The following SCAPER variants were observed in gnomAD, a reference collection of about 807,000 sequenced individuals.
The protein encoded by SCAPER is S-phase cyclin A associated protein in the ER, also known as S phase cyclin A-associated protein in the endoplasmic reticulum.
A neutral mutation model predicts 182.2 loss-of-function variants in SCAPER; 98 were observed. The ratio of observed to expected loss-of-function variants is 0.54; its 90% CI spans 0.46 to 0.64. The LOEUF is 0.64. SCAPER is among the 30% of genes least tolerant of loss of function. The pLI is 0.00. For missense variants in SCAPER, 1,432 were observed against 1,690.0 expected, an observed-to-expected ratio of 0.85 and a Z score of 2.68; for synonymous variants, 605 against 564.6, an observed-to-expected ratio of 1.07 and a Z score of -1.01.
At chr15:76,874,391 T>C (rs2073000030) in intron 2 of SCAPER, among the ~76,000 whole-genome samples, 2 of 151,776 alleles carry the variant, frequency 1.3e-5, no homozygotes, top group South Asian at 4.1e-4. Flanking sequence ...TTCAAGAAGT[T>C]AGTAAAAGAG....
intron 1 of SCAPER, among the ~76,000 whole-genome samples, chr15:76,890,396 A>G (rs1268796371): frequency 1.3e-5 from 2 of 152,196 alleles, no homozygotes; most frequent in Admixed American, 6.5e-5. Flanking sequence ...TTTTGAAAAG[A>G]TCAACAAAAT....
intron 5 of SCAPER, among the ~76,000 whole-genome samples, chr15:76,815,026 A>C (rs2066950292): frequency 7.3e-6 from 1 of 136,136 alleles, no homozygotes; most frequent in South Asian, 2.7e-4. Flanking sequence ...CAACATCAGT[A>C]ATCATCATGG....
At chr15:76,464,007 C>CTTTTTTTTTT (rs10630336) in intron 25 of SCAPER, among the ~76,000 whole-genome samples, 1 of 120,350 alleles carries the variant, frequency 8.3e-6, no homozygotes, top group African/African-American at 3.2e-5. Flanking sequence ...TTTCACTGGT[C>CTTTTTTTTTT]TTTTTTTTTT....
intron 26 of SCAPER, among the ~76,000 whole-genome samples, chr15:76,429,139 A>C (rs1051988571): frequency 6.6e-6 from 1 of 151,906 alleles, no homozygotes; most frequent in Non-Finnish European, 1.5e-5. Flanking sequence ...CCATCCACGT[A>C]AGTTGTGACT....
intron 20 of SCAPER, among the ~76,000 whole-genome samples, chr15:76,697,311 T>C (rs1326594766): frequency 6.6e-6 from 1 of 152,206 alleles, no homozygotes; most frequent in African/African-American, 2.4e-5. Flanking sequence ...GAAGAGGCTA[T>C]AACCAAGAAT....
At chr15:76,852,247 G>A (rs1005238866) in intron 4 of SCAPER, among the ~76,000 whole-genome samples, 12 of 152,164 alleles carry the variant, frequency 7.9e-5, no homozygotes, top group African/African-American at 2.9e-4. Flanking sequence ...AAGAGTGGAA[G>A]ACCTCAGTAC....
At chr15:76,463,606 G>T (rs2049356449) in intron 25 of SCAPER, among the ~76,000 whole-genome samples, 1 of 151,934 alleles carries the variant, frequency 6.6e-6, no homozygotes, top group African/African-American at 2.4e-5. Context: ...ATAAGGAACA[G>T]GTCACTATGA....
At chr15:76,633,467 C>T (rs1264683131) in intron 21 of SCAPER, among the ~76,000 whole-genome samples, 1 of 152,216 alleles carries the variant, frequency 6.6e-6, no homozygotes, top group African/African-American at 2.4e-5. Flanking sequence ...AGGTGTGCTA[C>T]ATTAGGGGGA....
At chr15:76,790,040 A>G (rs2064888762) in intron 8 of SCAPER, among the ~76,000 whole-genome samples, 1 of 152,036 alleles carries the variant, frequency 6.6e-6, no homozygotes, top group South Asian at 2.1e-4. Flanking sequence ...CATCCTGGCT[A>G]ACACGGTGAA....
At chr15:76,608,101 T>C (rs1488756711) in intron 22 of SCAPER, among the ~76,000 whole-genome samples, 1 of 152,220 alleles carries the variant, frequency 6.6e-6, no homozygotes, top group Non-Finnish European at 1.5e-5. Flanking sequence ...CTCTGATTTT[T>C]AGAGTTTCCA....
At chr15:76,424,873 A>C (rs986743462) in intron 26 of SCAPER, among the ~76,000 whole-genome samples, 5 of 152,120 alleles carry the variant, frequency 3.3e-5, no homozygotes, top group African/African-American at 7.2e-5. Flanking sequence ...TCCTTCACTT[A>C]TGAAGCTTAG....
rs542902471 is a variant in SCAPER, at chr15:76,764,739, T to C, written c.1725+222A>G. On this transcript the variant is annotated intron_variant, in intron 14 of 31. Coordinates refer to ENST00000563290, the MANE Select transcript of SCAPER (RefSeq NM_020843.4). The stretch of plus-strand genomic sequence containing the variant: ...GAAAACGGCAAAAGTAGAGCTTTAA[T>C]AATCCACGCAAACCCTGCAAAATAT... Among the ~76,000 whole-genome samples the C allele has an allele frequency of 3.9e-5, 6 of 152,368 alleles. No individual in the cohort carries two copies. The South Asian group carries it at 1.2e-3, about 32-fold the overall frequency.
intron 26 of SCAPER, among the ~76,000 whole-genome samples, chr15:76,425,909 C>T (rs565600031): frequency 4.6e-5 from 7 of 152,320 alleles, no homozygotes; most frequent in South Asian, 2.1e-4. Flanking sequence ...GTATCAGCAG[C>T]GGAGGCTGCA....
intron 5 of SCAPER, 69 bp from the exon 6 acceptor site, chr15:76,804,702 G>GTT (rs2066026354): frequency 2.1e-6 from 2 of 956,062 alleles, no homozygotes; most frequent in South Asian, 3.3e-5. Flanking sequence ...AAAAAAAAGA[G>GTT]TGAACAACTT....
intron 23 of SCAPER, among the ~76,000 whole-genome samples, chr15:76,529,597 G>A (rs894706107): frequency 2.6e-5 from 4 of 152,330 alleles, no homozygotes; most frequent in Admixed American, 2.6e-4. Flanking sequence ...AAGGCCTTCT[G>A]AGAAGTTGAC....
chr15:76,364,758 C>T (rs964389181), intron 29 of SCAPER, among the ~76,000 whole-genome samples: 4 of 151,984 alleles, frequency 2.6e-5, no homozygotes, highest in Admixed American at 6.6e-5. Context: ...TCTCCATATC[C>T]GGGACTTTGG....
intron 23 of SCAPER, among the ~76,000 whole-genome samples, chr15:76,538,692 T>A (rs1002512705): frequency 6.7e-6 from 1 of 149,868 alleles, no homozygotes; most frequent in East Asian, 2.0e-4. Context: ...ATTGTGCACA[T>A]GTACCCTAAA....
At chr15:76,773,345 T>C (rs776115678) in intron 9 of SCAPER, among the ~76,000 whole-genome samples, 7 of 151,946 alleles carry the variant, frequency 4.6e-5, no homozygotes, top group Non-Finnish European at 7.4e-5. Flanking sequence ...AAGTTCTATG[T>C]ACAGATTATT....
chr15:76,428,748 A>T (rs1233245106), intron 26 of SCAPER, among the ~76,000 whole-genome samples: 1 of 151,496 alleles, frequency 6.6e-6, no homozygotes, highest in Non-Finnish European at 1.5e-5. Flanking sequence ...GACTACGGTT[A>T]ACAGTAAAGT....
Sources: allele counts gnomAD v4.1 joint callset (sites outside exome capture counted in the v4.1 genomes callset), GRCh38; gene constraint gnomAD v4.1.1; transcripts MANE v1.5; gene names NCBI Gene and HGNC (gene_info 2026-07-23, HGNC 2026-07-21).